LMNA: variants seen among roughly 807,000 people sequenced by gnomAD.
The protein encoded by LMNA is lamin A/C.
LMNA carries 20 observed loss-of-function variants against 70.4 expected under a neutral mutation model. The ratio of observed to expected loss-of-function variants is 0.28; its 90% CI spans 0.20 to 0.41. The LOEUF is 0.41. LMNA is among the 10% of genes least tolerant of loss of function. The probability of loss-of-function intolerance (pLI) is 1.00; values close to 1 mark genes in which losing one functional copy is unlikely to be tolerated. For synonymous variants in LMNA, 339 were observed against 372.8 expected (o/e 0.91, Z 1.04); for missense variants, 652 against 917.2 (o/e 0.71, Z 3.73).
upstream of LMNA, among the ~76,000 whole-genome samples, chr1:156,110,335 A>G (rs1420020887): frequency 6.6e-6 from 1 of 152,196 alleles, no homozygotes; most frequent in African/African-American, 2.4e-5. Flanking sequence ...TAGATGTTCA[A>G]TAAATATTTG....
Position 156,125,161 on chromosome 1 carries a change from C to T in LMNA, c.357-5456C>T, listed in dbSNP as rs549713249. Among the ~76,000 whole-genome samples, 22 of 152,268 alleles carry T rather than the reference C, an allele frequency of 1.4e-4. No individual in the cohort carries two copies. In the East Asian group the frequency reaches 3.3e-3, roughly 23 times the overall value. On this transcript the variant is annotated intron_variant, in intron 1 of 11. Coordinates refer to ENST00000368300, the MANE Select transcript of LMNA (RefSeq NM_170707.4). ...TGTGGGACACACAGAAAAAGCCCCA[C>T]GACCCAACAGGTAGAACACTGGCTG... is the stretch of plus-strand genomic sequence containing the variant.
At chr1:156,124,772 G>A (rs906135580) in intron 1 of LMNA, among the ~76,000 whole-genome samples, 4 of 152,072 alleles carry the variant, frequency 2.6e-5, no homozygotes, top group African/African-American at 4.8e-5. Context: ...ATGATTGGCC[G>A]CACACAAAGG....
At chr1:156,087,726 A>G (rs1486738898) in intron 2 of LMNA, among the ~76,000 whole-genome samples, 1 of 148,698 alleles carries the variant, frequency 6.7e-6, no homozygotes, top group Non-Finnish European at 1.5e-5. Flanking sequence ...CCAATTTTTA[A>G]ATTTTTTGTA....
In LMNA at chr1:156,134,764, T is replaced by G. The variant is rs996477659; in HGVS notation, c.640-41T>G. 6.2e-7 allele frequency: 1 copy of G among 1,613,574 alleles called. No homozygotes were observed. Among genetic ancestry groups the G allele is most frequent in the African/African-American group, 1.3e-5 (1 of 74,904 alleles). On this transcript the variant is annotated intron_variant, in intron 3 of 11. Transcript: ENST00000368300. This position sits in a 1 kb window ranked among gnomAD's most constrained non-coding sequence, Gnocchi z 5.3. ...TGGGTCTTGGCCTCCCAGGAACTAA[T>G]TCTGATTTTGGTTTCTGTGTCCTTC... is the stretch of plus-strand genomic sequence containing the variant.
At position 156,114,737 on chromosome 1, in the gene LMNA, A is replaced by G. The variant is rs1052202445; in HGVS notation, c.-182A>G. On this transcript the variant is annotated 5_prime_UTR_variant, in exon 1 of 12. Transcript: ENST00000368300. The stretch of plus-strand genomic sequence containing the variant: ...GTGTTCGCGGGAGCGCCGCACCTAC[A>G]CCAGCCAACCCAGATCCCGAGGTCC... 1 of 575,560 alleles carries G rather than the reference A, an allele frequency of 1.7e-6. No homozygotes were observed. Among genetic ancestry groups the G allele is most frequent in the East Asian group, 3.1e-5 (1 of 32,656 alleles). 35.7% of individuals were successfully genotyped at this position (575,560 alleles called of 1,614,324 possible). A position where few individuals can be genotyped will look rare whatever the true frequency, so the allele number is the denominator to read the frequency against.
chr1:156,105,157 A>G (rs1253095464), intron 3 of LMNA, among the ~76,000 whole-genome samples: 1 of 152,032 alleles, frequency 6.6e-6, no homozygotes, highest in East Asian at 1.9e-4. Context: ...GCAAGCTTGG[A>G]GCTCACCCGG....
At chr1:156,089,884 C>T (rs995377018) in intron 2 of LMNA, among the ~76,000 whole-genome samples, 4 of 152,156 alleles carry the variant, frequency 2.6e-5, no homozygotes, top group South Asian at 2.1e-4. Context: ...TGATGAGGCC[C>T]CTCTGGGACT....
intron 3 of LMNA, among the ~76,000 whole-genome samples, chr1:156,104,231 G>A (rs1649241797): frequency 6.6e-6 from 1 of 152,208 alleles, no homozygotes; most frequent in Non-Finnish European, 1.5e-5. Context: ...TCCCAGCTCG[G>A]GTGGGGAGCG....
chr1:156,105,845 A>G (rs549749327), intron 3 of LMNA, among the ~76,000 whole-genome samples: 2 of 152,256 alleles, frequency 1.3e-5, no homozygotes, highest in South Asian at 2.1e-4. Context: ...CTGGCCAGGC[A>G]CGGTGGCTCA....
chr1:156,132,726 G>C lies in LMNA; in HGVS notation c.514-1677G>C, dbSNP rs1651176993. ...ACCTTCCTCCTGGGTCTGGTCTCCA[G>C]CCTCCCAGTTGTACCCTTCCCCCAG... On this transcript the variant is annotated intron_variant, in intron 2 of 11. Coordinates refer to ENST00000368300, the MANE Select transcript of LMNA (RefSeq NM_170707.4). Among the ~76,000 whole-genome samples, 3 of 151,864 alleles carry C rather than the reference G, an allele frequency of 2.0e-5. No individual in the cohort carries two copies. In the South Asian group the frequency reaches 6.2e-4, roughly 32 times the overall value.
rs544461774 is a variant in LMNA, at chr1:156,121,372, G to C, written c.356+6098G>C. 4.6e-5 allele frequency among the ~76,000 whole-genome samples: 7 copies of C among 152,084 alleles called. No individual in the cohort carries two copies. In the South Asian group the frequency reaches 1.5e-3, roughly 32 times the overall value. ...TTCTGATTCAAAGGGAAAGAAGAAG[G>C]GTGCAGCTAAACCTGGGGGGTGAGA... On this transcript the variant is annotated intron_variant, in intron 1 of 11. Coordinates refer to ENST00000368300, the MANE Select transcript of LMNA (RefSeq NM_170707.4).
chr1:156,131,959 C>T (rs369688268), intron 2 of LMNA, among the ~76,000 whole-genome samples: 1 of 152,254 alleles, frequency 6.6e-6, no homozygotes, highest in South Asian at 2.1e-4. Context: ...CATTTGAGGT[C>T]AGGAGTTTGA....
At chr1:156,093,848 C>G (rs1055462055) in intron 3 of LMNA, 2 of 152,104 alleles carry the variant, frequency 1.3e-5, no homozygotes, top group African/African-American at 4.8e-5. Context: ...CTTGAACACC[C>G]TCTCACCCAT....
chr1:156,101,144 C>T (rs1030684367), intron 3 of LMNA, among the ~76,000 whole-genome samples: 1 of 152,050 alleles, frequency 6.6e-6, no homozygotes, highest in African/African-American at 2.4e-5. Flanking sequence ...AATGTGGAGC[C>T]ACTGTTAGTT....
At chr1:156,094,920 C>G (rs940603288) in intron 3 of LMNA, among the ~76,000 whole-genome samples, 13 of 151,030 alleles carry the variant, frequency 8.6e-5, no homozygotes, top group East Asian at 3.9e-4. Context: ...TCACCACAAC[C>G]AGCTAATTTT....
At chr1:156,095,189 A>G (rs993206319) in intron 3 of LMNA, among the ~76,000 whole-genome samples, 5 of 152,070 alleles carry the variant, frequency 3.3e-5, no homozygotes, top group African/African-American at 1.2e-4. Flanking sequence ...TCAGCCTCCC[A>G]AAGTGATGGG....
rs1320962881 is a variant in LMNA, at chr1:156,139,274, G to A, written c.*168G>A. ...TTTCTAAGAGAAGTTATTTTCTACA[G>A]TGGTTTTATACTGAAGGAAAAACAC... On this transcript the variant is annotated 3_prime_UTR_variant, in exon 12 of 12. Coordinates refer to ENST00000368300, the MANE Select transcript of LMNA (RefSeq NM_170707.4). 2.8e-6 allele frequency: 4 copies of A among 1,429,540 alleles called. No homozygotes were observed. Among genetic ancestry groups the A allele is most frequent in the African/African-American group, 2.9e-5 (2 of 67,882 alleles). The allele number at this position is 1,429,540 out of a possible 1,614,324, so 88.6% of individuals were successfully genotyped here. A position where few individuals can be genotyped will look rare whatever the true frequency, so the allele number is the denominator to read the frequency against.
chr1:156,137,185 G>A lies in LMNA; in HGVS notation c.1561G>A (p.Gly521Ser). The A allele has an allele frequency of 1.2e-6, 2 of 1,608,898 alleles. No individual in the cohort carries two copies. The highest frequency in any genetic ancestry group is 3.4e-5 in the Admixed American group (2 of 59,120). Residue 521 changes from glycine (G) to serine (S), a missense_variant, in exon 9 of 12, where the codon GGC (glycine) becomes AGC (serine). Transcript: ENST00000368300. This position sits in a 1 kb window ranked among gnomAD's most constrained non-coding sequence, Gnocchi z 4.6. Reference sequence around the variant, plus strand: ...GGTGTGGAAGGCACAGAACACCTGGGGCTGCGGGAACAGCCTGCGTACGGC... The same window carrying A: ...GGTGTGGAAGGCACAGAACACCTGGAGCTGCGGGAACAGCCTGCGTACGGC... Reference protein sequence around the residue: ...DLVWKAQNTWGCGNSLRTALI... With the variant: ...DLVWKAQNTWSCGNSLRTALI...
In LMNA at chr1:156,139,907, G is replaced by C; in HGVS notation, c.*801G>C. The C allele has an allele frequency of 7.4e-7, 1 of 1,360,158 alleles. No individual in the cohort carries two copies. Among genetic ancestry groups the C allele is most frequent in the South Asian group, 1.5e-5 (1 of 67,766 alleles). The allele number at this position is 1,360,158 out of a possible 1,614,324, so 84.3% of individuals were successfully genotyped here. A position where few individuals can be genotyped will look rare whatever the true frequency, so the allele number is the denominator to read the frequency against. ...AGCCAAGTGGGGTGCTGGGAGGAGG[G>C]AGAGGGAGGTCACTGGAAAGGGGAG... is the stretch of plus-strand genomic sequence containing the variant. On this transcript the variant is annotated 3_prime_UTR_variant, in exon 12 of 12. Transcript: ENST00000368300.
Sources: allele counts gnomAD v4.1 joint callset (sites outside exome capture counted in the v4.1 genomes callset), GRCh38; gene constraint gnomAD v4.1.1; non-coding constraint Gnocchi (gnomAD v3.1); transcripts MANE v1.5; gene names NCBI Gene and HGNC (gene_info 2026-07-23, HGNC 2026-07-21).